The following LIPH variants were observed in gnomAD, a reference collection of about 807,000 sequenced individuals.
LIPH encodes lipase member H.
A neutral mutation model predicts 47.6 loss-of-function variants in LIPH; 32 were observed. The observed-to-expected ratio is 0.67, with a 90% CI of 0.51 to 0.90. LIPH has a LOEUF of 0.90. LIPH is among the 40% of genes least tolerant of loss of function. The probability of loss-of-function intolerance (pLI) is 0.00; values close to 1 mark genes in which losing one functional copy is unlikely to be tolerated. For synonymous variants in LIPH, 190 were observed against 195.6 expected (o/e 0.97, Z 0.24); for missense variants, 497 against 541.4 (o/e 0.92, Z 0.81).
Position 185,507,758 on chromosome 3 carries a change from C to T in LIPH, c.*1032G>A, listed in dbSNP as rs1426853071. 3 of 152,210 alleles carry T rather than the reference C, an allele frequency of 2.0e-5. No homozygotes were observed. The highest frequency in any genetic ancestry group is 4.4e-5 in the Non-Finnish European group (3 of 68,038). 9.4% of individuals were successfully genotyped at this position (152,210 alleles called of 1,614,324 possible). A position where few individuals can be genotyped will look rare whatever the true frequency, so the allele number is the denominator to read the frequency against. ...TGACAGCCTTGTTCCAAAAGGCTAA[C>T]ATTAATTACCTCTAATAGGATCGTG... On this transcript the variant is annotated 3_prime_UTR_variant, in exon 10 of 10. Transcript: ENST00000296252.
chr3:185,525,513 C>G (rs1720040977), intron 4 of LIPH, among the ~76,000 whole-genome samples: 1 of 151,986 alleles, frequency 6.6e-6, no homozygotes, highest in Non-Finnish European at 1.5e-5. Flanking sequence ...CATGGTGGCT[C>G]ACGCCTGTAA....
At chr3:185,537,846 C>T (rs1720549511) in intron 1 of LIPH, among the ~76,000 whole-genome samples, 1 of 152,116 alleles carries the variant, frequency 6.6e-6, no homozygotes, top group Non-Finnish European at 1.5e-5. Context: ...CTTGCTCTGT[C>T]ACCCAGGCTG....
At chr3:185,527,418 C>G in intron 4 of LIPH, 66 bp downstream of exon 4, 1 of 1,085,036 alleles carries the variant, frequency 9.2e-7, no homozygotes, top group Non-Finnish European at 1.4e-6. Flanking sequence ...ACATGATTAT[C>G]TCTCCCCAGG....
intron 9 of LIPH, among the ~76,000 whole-genome samples, chr3:185,510,700 C>T (rs1037106510): frequency 3.3e-5 from 5 of 151,884 alleles, no homozygotes; most frequent in Admixed American, 2.6e-4. Context: ...GCCAACATGG[C>T]GAAACTAAAA....
At chr3:185,537,373 C>T (rs1053429315) in intron 1 of LIPH, among the ~76,000 whole-genome samples, 15 of 152,110 alleles carry the variant, frequency 9.9e-5, no homozygotes, top group Non-Finnish European at 2.1e-4. Context: ...ACCTCAAATG[C>T]GCGCGTTCCT....
At chr3:185,549,953 C>G (rs747382404) in intron 1 of LIPH, among the ~76,000 whole-genome samples, 1 of 152,134 alleles carries the variant, frequency 6.6e-6, no homozygotes, top group Non-Finnish European at 1.5e-5. Flanking sequence ...TAATCAAGCC[C>G]TCAGGGGATT....
intron 1 of LIPH, among the ~76,000 whole-genome samples, chr3:185,539,649 G>A (rs1004529153): frequency 5.3e-5 from 8 of 152,148 alleles, no homozygotes; most frequent in Non-Finnish European, 8.8e-5. Context: ...GGGATCACAG[G>A]TGTGAGCCAC....
At chr3:185,538,728 CAT>C (rs1322974892) in intron 1 of LIPH, among the ~76,000 whole-genome samples, 1 of 87,052 alleles carries the variant, frequency 1.1e-5, no homozygotes, top group Non-Finnish European at 3.2e-5. Flanking sequence ...AATATATGTA[CAT>C]ATATATACAT....
chr3:185,538,784 TATATACATATATAC>T (rs1560169492), intron 1 of LIPH, among the ~76,000 whole-genome samples: 1 of 2,318 alleles, frequency 4.3e-4, no homozygotes, highest in African/African-American at 5.8e-4. Flanking sequence ...TATACACACA[TATATACATATATAC>T]ACACATATAT....
intron 1 of LIPH, among the ~76,000 whole-genome samples, chr3:185,538,892 CGTATAT>C (rs1560169679): frequency 1.7e-5 from 1 of 57,534 alleles, no homozygotes; most frequent in Non-Finnish European, 4.0e-5. Context: ...TACATATATA[CGTATAT>C]ACACATATAC....
At chr3:185,539,608 C>T (rs1243917876) in intron 1 of LIPH, among the ~76,000 whole-genome samples, 1 of 149,838 alleles carries the variant, frequency 6.7e-6, no homozygotes, top group African/African-American at 2.5e-5. Context: ...AGACTTCAGG[C>T]GATCCACCCG....
intron 8 of LIPH, 122 bp downstream of exon 8, chr3:185,514,288 A>G: frequency 1.4e-6 from 1 of 692,130 alleles, no homozygotes; most frequent in South Asian, 1.5e-5. Flanking sequence ...AGTTCCCCTT[A>G]TATCTTTTAT....
chr3:185,536,124 C>T (rs575302050), intron 1 of LIPH, among the ~76,000 whole-genome samples: 1 of 152,326 alleles, frequency 6.6e-6, no homozygotes, highest in Non-Finnish European at 1.5e-5. Context: ...CTTTCAGGCA[C>T]ACATTATAGA....
intron 9 of LIPH, among the ~76,000 whole-genome samples, chr3:185,511,303 A>T (rs907086265): frequency 6.6e-6 from 1 of 151,768 alleles, no homozygotes; most frequent in Non-Finnish European, 1.5e-5. Flanking sequence ...GAGCTGAAGC[A>T]ATCCTCCCAG....
At position 185,517,107 on chromosome 3, in the gene LIPH, C is replaced by A. The variant is rs779457187; in HGVS notation, c.942G>T (p.Thr314=). The A allele has an allele frequency of 6.2e-7, 1 of 1,613,086 alleles. No homozygotes were observed. The highest frequency in any genetic ancestry group is 1.7e-5 in the Admixed American group (1 of 60,000). Residue 314 remains threonine, a synonymous_variant, in exon 7 of 10, where the codon ACG becomes ACT. Coordinates refer to ENST00000296252, the MANE Select transcript of LIPH (RefSeq NM_139248.3). Reference sequence around the variant, plus strand: ...CCTCAGCTGTGTCAAAGAATGCCTTCGTCATTGGAGGATCTTTCCCCCTTA... The same window carrying A: ...CCTCAGCTGTGTCAAAGAATGCCTTAGTCATTGGAGGATCTTTCCCCCTTA... ...DHLRGKDPPM[T]KAFFDTAEES...
intron 5 of LIPH, among the ~76,000 whole-genome samples, chr3:185,520,267 T>C (rs1056843199): frequency 2.0e-5 from 3 of 152,014 alleles, no homozygotes; most frequent in African/African-American, 7.2e-5. Context: ...ACGCCTATAA[T>C]CCCAGCACTT....
At chr3:185,533,542 C>A (rs747661627) in intron 3 of LIPH, 29 bp downstream of exon 3, 14 of 1,473,154 alleles carry the variant, frequency 9.5e-6, no homozygotes, top group Non-Finnish European at 9.5e-7. Context: ...GCCCAGGCTA[C>A]CAACCCATGC....
chr3:185,524,296 G>T, intron 4 of LIPH, 136 bp from the exon 5 acceptor site: 4 of 662,522 alleles, frequency 6.0e-6, no homozygotes, highest in Non-Finnish European at 1.1e-5. Flanking sequence ...TAAGAGTTTT[G>T]CCCAAAGTCA....
At position 185,533,564 on chromosome 3, in the gene LIPH, C is replaced by T. The variant is rs1268473925; in HGVS notation, c.526+7G>A. 6.3e-7 allele frequency: 1 copy of T among 1,578,990 alleles called. No homozygotes were observed. Among genetic ancestry groups the T allele is most frequent in the African/African-American group, 1.3e-5 (1 of 74,190 alleles). On this transcript the variant is annotated splice_region_variant and intron_variant, in intron 3 of 9. Transcript: ENST00000296252. ...CTACCAACCCATGCCCATTCACAGG[C>T]ACTTACCTGTAATTCTCCCCAGCCA...
Sources: gnomAD v4.1 joint callset for allele counts (sites outside exome capture counted in the v4.1 genomes callset) on GRCh38, gnomAD v4.1.1 for gene constraint, MANE v1.5 for transcripts, NCBI Gene and HGNC (gene_info 2026-07-23, HGNC 2026-07-21) for gene names.